Variants in TM2D3 observed in about 807,000 individuals in gnomAD.
The protein encoded by TM2D3 is TM2 domain-containing protein 3.
A neutral mutation model predicts 27.3 loss-of-function variants in TM2D3; 33 were observed. The ratio of observed to expected loss-of-function variants is 1.21; its 90% CI spans 0.92 to 1.61. The LOEUF (loss-of-function observed/expected upper bound fraction) is 1.61. TM2D3 is among the 40% of genes most tolerant of loss of function. TM2D3 has a pLI of 0.00. For missense variants in TM2D3, 364 were observed against 320.8 expected (o/e 1.13, Z -1.03); for synonymous variants, 138 against 122.2 (o/e 1.13, Z -0.85).
At chr15:101,644,712 T>C (rs1178150029) in intron 5 of TM2D3, among the ~76,000 whole-genome samples, 1 of 152,234 alleles carries the variant, frequency 6.6e-6, no homozygotes, top group Non-Finnish European at 1.5e-5. Flanking sequence ...TAATTTTTAA[T>C]GTTTTTGTCA....
intron 1 of TM2D3, chr15:101,652,048 C>T: frequency 1.8e-6 from 1 of 560,154 alleles, no homozygotes. Flanking sequence ...CGTGCCAGGG[C>T]TCCGCAGCCG....
downstream of TM2D3, among the ~76,000 whole-genome samples, chr15:101,640,030 G>A (rs1467161221): frequency 1.3e-5 from 2 of 152,212 alleles, no homozygotes; most frequent in Non-Finnish European, 2.9e-5. Context: ...CTGCTGCAGT[G>A]ATAAATTCTG....
chr15:101,652,163 G>A lies in TM2D3; in HGVS notation c.91+108C>T, dbSNP rs1453268921. The stretch of plus-strand genomic sequence containing the variant: ...ACAAGCGGCCCGGAGCCCGGCACTC[G>A]GCCTCCTCCCCGCGTCAGCGTCCGC... On this transcript the variant is annotated intron_variant, in intron 1 of 5. Transcript: ENST00000333202. The A allele has an allele frequency of 1.0e-5, 11 of 1,071,144 alleles. No homozygotes were observed. In the East Asian group the frequency reaches 1.8e-4, roughly 17 times the overall value. 66.4% of individuals were successfully genotyped at this position (1,071,144 alleles called of 1,614,324 possible).
At position 101,641,977 on chromosome 15, in the gene TM2D3, T is replaced by C. The variant is rs1896679890; in HGVS notation, c.*502A>G. 1.0e-6 allele frequency: 1 copy of C among 985,434 alleles called. No individual in the cohort carries two copies. Among genetic ancestry groups the C allele is most frequent in the Non-Finnish European group, 1.2e-6 (1 of 829,972 alleles). 61.0% of individuals were successfully genotyped at this position (985,434 alleles called of 1,614,324 possible). On this transcript the variant is annotated 3_prime_UTR_variant, in exon 6 of 6. Coordinates refer to ENST00000333202, the MANE Select transcript of TM2D3 (RefSeq NM_078474.3). The stretch of plus-strand genomic sequence containing the variant: ...AAATTTTCATATATACAGACCAGAC[T>C]ACATATGTATTACACTGCAAAACTT...
downstream of TM2D3, among the ~76,000 whole-genome samples, chr15:101,641,263 A>G (rs191117709): frequency 1.3e-4 from 19 of 149,644 alleles, no homozygotes; most frequent in Middle Eastern, 3.4e-3. Flanking sequence ...CTCTGTGACA[A>G]GTTCCTCGTA....
intron 4 of TM2D3, chr15:101,646,456 A>G (rs897278031): frequency 1.0e-4 from 25 of 240,778 alleles, no homozygotes; most frequent in Admixed American, 1.8e-4. Flanking sequence ...TTTCATTGTT[A>G]TTTTGGGTAA....
intron 5 of TM2D3, among the ~76,000 whole-genome samples, chr15:101,644,371 G>A (rs1428821587): frequency 6.6e-6 from 1 of 152,112 alleles, no homozygotes. Context: ...GTAGGTAGAG[G>A]CCAGTGATGC....
At chr15:101,636,233 A>T (rs1034869966) in intron 4 of TM2D3, 4 of 152,106 alleles carry the variant, frequency 2.6e-5, no homozygotes, top group Non-Finnish European at 4.4e-5. Flanking sequence ...CGAGTTTTTT[A>T]GTGTATGTCC....
intron 4 of TM2D3, chr15:101,645,377 A>G: frequency 1.8e-6 from 1 of 563,864 alleles, no homozygotes. Context: ...GGAACATGAA[A>G]TGCTCACCCA....
chr15:101,639,249 A>G (rs1170499912), downstream of TM2D3, among the ~76,000 whole-genome samples: 1 of 152,222 alleles, frequency 6.6e-6, no homozygotes, highest in Non-Finnish European at 1.5e-5. Context: ...TACGATGTAT[A>G]TACAATAAAA....
At chr15:101,640,896 C>T (rs1278323463), downstream of TM2D3, among the ~76,000 whole-genome samples, 1 of 152,182 alleles carries the variant, frequency 6.6e-6, no homozygotes, top group African/African-American at 2.4e-5. Flanking sequence ...GACACTGCAG[C>T]TTCATTATCT....
At chr15:101,652,105 G>A (rs1327802477) in intron 1 of TM2D3, 166 bp downstream of exon 1, 4 of 624,248 alleles carry the variant, frequency 6.4e-6, no homozygotes, top group Non-Finnish European at 1.1e-5. Flanking sequence ...GCCTCGGGCC[G>A]GGCGGCCAGG....
intron 5 of TM2D3, among the ~76,000 whole-genome samples, chr15:101,642,952 G>A (rs1208595351): frequency 6.6e-6 from 1 of 152,138 alleles, no homozygotes; most frequent in Non-Finnish European, 1.5e-5. Context: ...CTAACAGGAA[G>A]TGCACTAACA....
chr15:101,641,177 C>T (rs1304482375), downstream of TM2D3, among the ~76,000 whole-genome samples: 1 of 152,162 alleles, frequency 6.6e-6, no homozygotes, highest in Admixed American at 6.5e-5. Flanking sequence ...TTAACGGATA[C>T]AAAAAGTGTG....
intron 4 of TM2D3, 167 bp downstream of exon 4, chr15:101,646,558 G>A (rs919017417): frequency 1.5e-6 from 1 of 663,774 alleles, no homozygotes. Flanking sequence ...TTTTCTGGAT[G>A]CTTTACTTTA....
At chr15:101,639,513 T>A (rs1321441841), downstream of TM2D3, among the ~76,000 whole-genome samples, 1 of 152,018 alleles carries the variant, frequency 6.6e-6, no homozygotes, top group African/African-American at 2.4e-5. Context: ...TGAATTAAAA[T>A]CATTTGCATA....
At chr15:101,637,130 G>T (rs1029564508), downstream of TM2D3, among the ~76,000 whole-genome samples, 7 of 152,152 alleles carry the variant, frequency 4.6e-5, no homozygotes, top group Non-Finnish European at 7.3e-5. Context: ...TCGAAGCAGG[G>T]GCTTCCAGAT....
downstream of TM2D3, chr15:101,636,962 C>A: frequency 4.8e-6 from 2 of 413,316 alleles, no homozygotes; most frequent in Non-Finnish European, 9.7e-6. Context: ...AGATTTATTC[C>A]GAACCAAATA....
intron 5 of TM2D3, among the ~76,000 whole-genome samples, chr15:101,643,780 T>C (rs1280018861): frequency 6.6e-6 from 1 of 152,052 alleles, no homozygotes; most frequent in Non-Finnish European, 1.5e-5. Context: ...ATTAAAATTA[T>C]TCCAAGTTTC....
Sources: gnomAD v4.1 joint callset for allele counts (sites outside exome capture counted in the v4.1 genomes callset) on GRCh38, gnomAD v4.1.1 for gene constraint, MANE v1.5 for transcripts, NCBI Gene and HGNC (gene_info 2026-07-23, HGNC 2026-07-21) for gene names.